Variants in SPATA6L observed in about 807,000 individuals in gnomAD.
SPATA6L encodes spermatogenesis associated 6-like protein.
Under a neutral mutation model 49.2 loss-of-function variants are expected in SPATA6L, and 68 were observed. That is an observed-to-expected ratio of 1.38 (90% CI 1.14 to 1.69). The LOEUF is 1.69. SPATA6L is among the 40% of genes most tolerant of loss of function. SPATA6L has a pLI of 0.00. For synonymous variants in SPATA6L, 198 were observed against 165.7 expected (o/e 1.19, Z -1.50); for missense variants, 668 against 464.3 (o/e 1.44, Z -4.03).
rs183559920 is a variant in SPATA6L, at chr9:4,640,817, T to C, written c.227-5418A>G. 2.9e-3 allele frequency among the ~76,000 whole-genome samples: 430 copies of C among 150,588 alleles called. 2 individuals are homozygous for C. The highest frequency in any genetic ancestry group is 0.01 in the African/African-American group (410 of 40,352). On this transcript the variant is annotated intron_variant, in intron 3 of 11. Coordinates refer to ENST00000682582, the MANE Select transcript of SPATA6L (RefSeq NM_001353486.2). Reference sequence around the variant, plus strand: ...ATTCCACTAAAATTATAATCTGAAATTGAGAGATTGTAAATTAAAAAAACA... The same window carrying C: ...ATTCCACTAAAATTATAATCTGAAACTGAGAGATTGTAAATTAAAAAAACA...
At position 4,618,005 on chromosome 9, in the gene SPATA6L, C is replaced by A; in HGVS notation, c.913G>T (p.Asp305Tyr). The A allele has an allele frequency of 6.2e-7, 1 of 1,614,088 alleles. No individual in the cohort carries two copies. Among genetic ancestry groups the A allele is most frequent in the Non-Finnish European group, 8.5e-7 (1 of 1,180,024 alleles). ...KSSSSKQGDA[D>Y]FHGKASFATY... The stretch of plus-strand genomic sequence containing the variant: ...GCAAATGAAGCTTTCCCGTGGAAAT[C>A]AGCATCCCCTTGTTTACTGGATGAA... The change falls in exon 9 of 12, where the codon GAT (aspartate) becomes TAT (tyrosine). Residue 305 changes from aspartate to tyrosine, a missense_variant. Physicochemically the swap from Asp to Tyr is radical, Grantham distance 160. Coordinates refer to ENST00000682582, the MANE Select transcript of SPATA6L (RefSeq NM_001353486.2).
chr9:4,604,038 A>G lies in SPATA6L; in HGVS notation c.*1+141T>C, dbSNP rs1824063287. On this transcript the variant is annotated intron_variant, in intron 11 of 11. Transcript: ENST00000682582. ...CAGTTATCATACAGAGCAAGGGAAGAACGCAGTTCTCAGGTCTCCTCCAAG... is the reference window on the plus strand; with the variant it reads ...CAGTTATCATACAGAGCAAGGGAAGGACGCAGTTCTCAGGTCTCCTCCAAG... The G allele has an allele frequency of 3.3e-5, 19 of 569,326 alleles. 1 individual carries two copies. In the South Asian group the frequency reaches 4.5e-4, roughly 13 times the overall value. 35.3% of individuals were successfully genotyped at this position (569,326 alleles called of 1,614,324 possible). A position where few individuals can be genotyped will look rare whatever the true frequency, so the allele number is the denominator to read the frequency against.
intron 4 of SPATA6L, among the ~76,000 whole-genome samples, chr9:4,634,213 T>C (rs1347801971): frequency 1.3e-5 from 2 of 152,222 alleles, no homozygotes; most frequent in African/African-American, 2.4e-5. Context: ...CCCTACCTAA[T>C]TCTCATCAGT....
At chr9:4,606,054 G>A (rs188121735) in intron 9 of SPATA6L, among the ~76,000 whole-genome samples, 2,932 of 152,138 alleles carry the variant, frequency 0.019, 87 homozygotes, top group African/African-American at 0.067. Context: ...GGTGACAGAT[G>A]GCACCTGGAA....
chr9:4,643,329 A>G (rs1251850277), intron 3 of SPATA6L, among the ~76,000 whole-genome samples: 6 of 152,188 alleles, frequency 3.9e-5, no homozygotes, highest in Non-Finnish European at 7.3e-5. Flanking sequence ...TCCAATTGAC[A>G]GTATCCAGCA....
At chr9:4,606,661 G>C (rs1276050239) in intron 9 of SPATA6L, among the ~76,000 whole-genome samples, 2 of 105,630 alleles carry the variant, frequency 1.9e-5, no homozygotes, top group Non-Finnish European at 3.8e-5. Flanking sequence ...CATCATCAAA[G>C]ACCAAAAGTA....
At position 4,662,592 on chromosome 9, in the gene SPATA6L, C is replaced by A. The variant is rs1212308227; in HGVS notation, c.40-556G>T. On this transcript the variant is annotated intron_variant, in intron 1 of 11. Coordinates refer to ENST00000682582, the MANE Select transcript of SPATA6L (RefSeq NM_001353486.2). This position sits in a 1 kb window ranked among gnomAD's most constrained non-coding sequence, Gnocchi z 4.9. Reference sequence around the variant, plus strand: ...AGTTCACCGCCGCGGCTCCTTCCCCCTGGCCGCGGCGGGCCCCTCGCAGTC... The same window carrying A: ...AGTTCACCGCCGCGGCTCCTTCCCCATGGCCGCGGCGGGCCCCTCGCAGTC... 4 of 1,592,220 alleles carry A rather than the reference C, an allele frequency of 2.5e-6. No individual in the cohort carries two copies. In the South Asian group the frequency reaches 4.4e-5, roughly 18 times the overall value.
intron 6 of SPATA6L, among the ~76,000 whole-genome samples, chr9:4,622,773 C>T (rs1171145332): frequency 1.3e-5 from 2 of 152,172 alleles, no homozygotes; most frequent in Non-Finnish European, 1.5e-5. Flanking sequence ...AAATTATATT[C>T]CAACAACTGG....
chr9:4,601,086 T>C (rs961568963), intron 11 of SPATA6L, among the ~76,000 whole-genome samples: 3 of 152,224 alleles, frequency 2.0e-5, no homozygotes, highest in African/African-American at 7.2e-5. Flanking sequence ...AGAGTTAGCA[T>C]TGCTACATAG....
chr9:4,663,775 G>A (rs1840417594), intron 1 of SPATA6L: 1 of 167,036 alleles, frequency 6.0e-6, no homozygotes, highest in Non-Finnish European at 1.5e-5. Context: ...TTTATTCCCT[G>A]AAGATCTGTT....
intron 9 of SPATA6L, among the ~76,000 whole-genome samples, chr9:4,610,709 G>C (rs1297277951): frequency 2.0e-5 from 3 of 152,110 alleles, no homozygotes; most frequent in African/African-American, 7.2e-5. Context: ...AGAAAACCTA[G>C]GCAATACCAT....
intron 6 of SPATA6L, 53 bp from the exon 7 acceptor site, chr9:4,622,563 C>T (rs904859466): frequency 1.6e-6 from 2 of 1,235,626 alleles, no homozygotes; most frequent in Non-Finnish European, 2.3e-6. Context: ...TTCTAGTACC[C>T]TCCCCTCGTT....
chr9:4,651,732 C>T (rs952367525), intron 3 of SPATA6L, among the ~76,000 whole-genome samples: 4 of 152,044 alleles, frequency 2.6e-5, no homozygotes, highest in Non-Finnish European at 2.9e-5. Flanking sequence ...GTAGAAAAGG[C>T]GTGTGATAAA....
chr9:4,617,663 A>C (rs1417149594), intron 9 of SPATA6L: 2 of 340,926 alleles, frequency 5.9e-6, no homozygotes, highest in Non-Finnish European at 1.0e-5. Flanking sequence ...GAAAAGGTTT[A>C]GTTTTTAAAT....
intron 1 of SPATA6L, 131 bp downstream of exon 1, chr9:4,666,081 T>G: frequency 1.2e-6 from 1 of 821,370 alleles, no homozygotes; most frequent in Non-Finnish European, 2.1e-6. Context: ...AAGACAAAGG[T>G]GCGATCTGTC....
At position 4,653,527 on chromosome 9, in the gene SPATA6L, T is replaced by G. The variant is rs562029146; in HGVS notation, c.226+2514A>C. ...ACTGAAATTCATCAAAATTAAAAAC[T>G]TTTGCATTTCAAAAAAATACCATCA... On this transcript the variant is annotated intron_variant, in intron 3 of 11. Transcript: ENST00000682582. Among the ~76,000 whole-genome samples the G allele has an allele frequency of 4.4e-4, 67 of 152,298 alleles. No homozygotes were observed. In the South Asian group the frequency reaches 0.011, roughly 24 times the overall value.
chr9:4,652,477 A>G (rs896085967), intron 3 of SPATA6L, among the ~76,000 whole-genome samples: 1 of 152,212 alleles, frequency 6.6e-6, no homozygotes, highest in African/African-American at 2.4e-5. Flanking sequence ...TCCACTTACA[A>G]CAGCTTCAGA....
At chr9:4,593,291 G>C (rs1822025684) in intron 13 of SPATA6L, among the ~76,000 whole-genome samples, 1 of 152,240 alleles carries the variant, frequency 6.6e-6, no homozygotes, top group South Asian at 2.1e-4. Flanking sequence ...TCAAATTGCT[G>C]TTTGTTTTCC....
chr9:4,654,891 C>T (rs1485493078), intron 3 of SPATA6L, among the ~76,000 whole-genome samples: 1 of 152,150 alleles, frequency 6.6e-6, no homozygotes, highest in African/African-American at 2.4e-5. Flanking sequence ...AGTGCCTGTC[C>T]TCACCTAGGT....
Sources: gnomAD v4.1 joint callset for allele counts (sites outside exome capture counted in the v4.1 genomes callset) on GRCh38, gnomAD v4.1.1 for gene constraint, Gnocchi (gnomAD v3.1) non-coding constraint, MANE v1.5 for transcripts, NCBI Gene and HGNC (gene_info 2026-07-23, HGNC 2026-07-21) for gene names.